Variants in DPYD observed in about 807,000 individuals in gnomAD.
DPYD encodes dihydropyrimidine dehydrogenase [NADP(+)].
In DPYD, 109 loss-of-function variants were observed where a neutral mutation model predicts 116.2. The ratio of observed to expected loss-of-function variants is 0.94; its 90% CI spans 0.80 to 1.10. The LOEUF (loss-of-function observed/expected upper bound fraction) is 1.10. Among genes scored for constraint, DPYD ranks in the 50% least tolerant of loss-of-function variants. The pLI is 0.00. For missense variants in DPYD, 1,302 were observed against 1,254.5 expected, an observed-to-expected ratio of 1.04 and a Z score of -0.57; for synonymous variants, 440 against 432.0, an observed-to-expected ratio of 1.02 and a Z score of -0.23.
At chr1:97,497,774 T>C (rs1375039886) in intron 13 of DPYD, among the ~76,000 whole-genome samples, 1 of 151,686 alleles carries the variant, frequency 6.6e-6, no homozygotes, top group East Asian at 1.9e-4. Flanking sequence ...AGTTTAGCAA[T>C]TCCCAAAAAG....
chr1:97,603,360 G>T (rs955492899), intron 8 of DPYD, among the ~76,000 whole-genome samples: 41 of 152,046 alleles, frequency 2.7e-4, no homozygotes, highest in African/African-American at 9.9e-4. Context: ...CTGCTGTGGA[G>T]ATGAGGCAGT....
chr1:97,282,712 C>T (rs573951028), intron 18 of DPYD, among the ~76,000 whole-genome samples: 1 of 151,998 alleles, frequency 6.6e-6, no homozygotes, highest in African/African-American at 2.4e-5. Context: ...CTATCCTCAC[C>T]CTCCTCCTAA....
chr1:97,480,627 A>G (rs555923602), intron 13 of DPYD, among the ~76,000 whole-genome samples: 1 of 152,348 alleles, frequency 6.6e-6, no homozygotes, highest in South Asian at 2.1e-4. Flanking sequence ...TTTTGGCATT[A>G]TTTAATGTTT....
chr1:97,371,913 AAAGCT>A (rs1311636653), intron 16 of DPYD, among the ~76,000 whole-genome samples: 3 of 152,212 alleles, frequency 2.0e-5, no homozygotes. Context: ...GAGTTTTTAG[AAAGCT>A]TAATGATATC....
At chr1:97,817,601 T>C (rs1475563164) in intron 3 of DPYD, among the ~76,000 whole-genome samples, 1 of 152,090 alleles carries the variant, frequency 6.6e-6, no homozygotes, top group African/African-American at 2.4e-5. Flanking sequence ...AACGTGCTTA[T>C]AAACAATATT....
At chr1:97,464,961 ACACCAGAC>A (rs1677233996) in intron 13 of DPYD, among the ~76,000 whole-genome samples, 1 of 152,132 alleles carries the variant, frequency 6.6e-6, no homozygotes, top group Non-Finnish European at 1.5e-5. Context: ...CAGACACTCA[ACACCAGAC>A]CATGAACACA....
At chr1:97,721,031 A>G in intron 5 of DPYD, 3 of 1,450,040 alleles carry the variant, frequency 2.1e-6, no homozygotes, top group Non-Finnish European at 1.9e-6. Flanking sequence ...AAATCTAATG[A>G]CATTATTAAT....
intron 20 of DPYD, among the ~76,000 whole-genome samples, chr1:97,183,956 C>T (rs532153510): frequency 2.8e-4 from 42 of 152,074 alleles, no homozygotes; most frequent in African/African-American, 9.6e-4. Flanking sequence ...TTTGTTGTTC[C>T]CTATTTTGTG....
In DPYD at chr1:97,740,274, A is replaced by G. The variant is rs1172158121; in HGVS notation, c.321+118T>C. 7.8e-6 allele frequency: 6 copies of G among 766,682 alleles called. No homozygotes were observed. The African/African-American group carries it at 8.6e-5, about 11-fold the overall frequency. The allele number at this position is 766,682 out of a possible 1,614,324, so 47.5% of individuals were successfully genotyped here. On this transcript the variant is annotated intron_variant, in intron 4 of 22. Coordinates refer to ENST00000370192, the MANE Select transcript of DPYD (RefSeq NM_000110.4). ...TGCCACATTTTTAAATGCCTATAGA[A>G]GTCATATTTAATGGTTTAACTGGAT...
chr1:97,510,503 T>C (rs567881394), intron 13 of DPYD, among the ~76,000 whole-genome samples: 2 of 152,052 alleles, frequency 1.3e-5, no homozygotes, highest in Admixed American at 6.6e-5. Context: ...ATGAAGATCA[T>C]AAGATAATGA....
At chr1:97,512,862 TCTCAAGAAA>T (rs1336883982) in intron 13 of DPYD, among the ~76,000 whole-genome samples, 2 of 151,782 alleles carry the variant, frequency 1.3e-5, no homozygotes, top group African/African-American at 4.8e-5. Flanking sequence ...ATAAATAGAA[TCTCAAGAAA>T]AGCAACCTTG....
rs1662930809 is a variant in DPYD at position 97,721,645 on chromosome 1, T to C, written c.348A>G (p.Ile116Met). Residue 116 changes from isoleucine (I) to methionine (M), a missense_variant, in exon 5 of 23, where the codon ATA (isoleucine) becomes ATG (methionine). Physicochemically the swap from Ile to Met is conservative, Grantham distance 10 (BLOSUM62 1). Transcript: ENST00000370192. ...NKNYYGAAKM[I>M]FSDNPLGLTC... ...TCAGACCAAGTGGGTTGTCAGAAAA[T>C]ATCATCTTAGCAGCTCCATAATAGT... The C allele has an allele frequency of 6.2e-7, 1 of 1,611,420 alleles. No individual in the cohort carries two copies. The highest frequency in any genetic ancestry group is 8.5e-7 in the Non-Finnish European group (1 of 1,178,202).
chr1:97,550,010 G>A (rs901843997), intron 11 of DPYD, among the ~76,000 whole-genome samples: 3 of 152,094 alleles, frequency 2.0e-5, no homozygotes, highest in African/African-American at 4.8e-5. Context: ...TTATGTCTAC[G>A]AAGTATGGAT....
intron 19 of DPYD, among the ~76,000 whole-genome samples, chr1:97,193,670 T>A (rs1260812267): frequency 1.3e-5 from 2 of 152,142 alleles, no homozygotes; most frequent in African/African-American, 4.8e-5. Flanking sequence ...AAACTGAGGT[T>A]GGAGTGCTGT....
At chr1:97,180,127 G>A (rs1368171802) in intron 20 of DPYD, among the ~76,000 whole-genome samples, 1 of 149,198 alleles carries the variant, frequency 6.7e-6, no homozygotes, top group African/African-American at 2.5e-5. Context: ...TTTTTTTTTT[G>A]GTAAATTAAA....
At chr1:97,482,326 G>A (rs1475317772) in intron 13 of DPYD, among the ~76,000 whole-genome samples, 2 of 152,112 alleles carry the variant, frequency 1.3e-5, no homozygotes, top group Non-Finnish European at 2.9e-5. Context: ...AGGATGAACT[G>A]CTAAAATCAA....
At position 97,359,203 on chromosome 1, in the gene DPYD, A is replaced by C. The variant is rs768328541; in HGVS notation, c.2058+14358T>G. On this transcript the variant is annotated intron_variant, in intron 16 of 22. Coordinates refer to ENST00000370192, the MANE Select transcript of DPYD (RefSeq NM_000110.4). ...ATAGCCAATTTGATCAAGTGGAAGA[A>C]AGGGTATCAGTGATTGAAGATCAAA... Among the ~76,000 whole-genome samples the C allele has an allele frequency of 4.2e-4, 64 of 152,258 alleles. No individual in the cohort carries two copies. In the Middle Eastern group the frequency reaches 0.014, roughly 32 times the overall value.
intron 3 of DPYD, among the ~76,000 whole-genome samples, chr1:97,774,159 A>G (rs1440779361): frequency 6.6e-6 from 1 of 152,178 alleles, no homozygotes; most frequent in East Asian, 1.9e-4. Context: ...CCACCGTTGC[A>G]TGCCCTGTGA....
In DPYD at chr1:97,515,714, A is replaced by G; in HGVS notation, c.1740+12T>C. On this transcript the variant is annotated intron_variant, in intron 13 of 22. Coordinates refer to ENST00000370192, the MANE Select transcript of DPYD (RefSeq NM_000110.4). ...TAGACATTTCTATATGACTTCAATA[A>G]TATTTTCTTACCTTATCAAGAGAGA... 2.5e-6 allele frequency: 4 copies of G among 1,609,900 alleles called. No homozygotes were observed. The highest frequency in any genetic ancestry group is 2.5e-6 in the Non-Finnish European group (3 of 1,176,890).
Sources: gnomAD v4.1 joint callset for allele counts (sites outside exome capture counted in the v4.1 genomes callset) on GRCh38, gnomAD v4.1.1 for gene constraint, MANE v1.5 for transcripts, NCBI Gene and HGNC (gene_info 2026-07-23, HGNC 2026-07-21) for gene names.